The following NKAIN3 variants were observed in gnomAD, a reference collection of about 807,000 sequenced individuals.
NKAIN3 encodes the protein sodium/potassium transporting ATPase interacting 3.
Under a neutral mutation model 30.2 loss-of-function variants are expected in NKAIN3, and 25 were observed. The observed-to-expected ratio is 0.83, with a 90% CI of 0.60 to 1.16. The LOEUF is 1.16. NKAIN3 is among the 50% of genes most tolerant of loss of function. NKAIN3 has a pLI of 0.00. For synonymous variants in NKAIN3, 91 were observed against 89.6 expected (o/e 1.02, Z -0.09); for missense variants, 225 against 254.1 (o/e 0.89, Z 0.78).
chr8:62,941,111 A>T (rs1193171239), intron 5 of NKAIN3, among the ~76,000 whole-genome samples: 1 of 152,124 alleles, frequency 6.6e-6, no homozygotes, highest in Admixed American at 6.6e-5. Flanking sequence ...ATTCAAGGTT[A>T]CTATGAACAC....
rs913041582 is a variant in NKAIN3 at position 62,975,660 on chromosome 8, A to T, written c.*10253A>T. The stretch of plus-strand genomic sequence containing the variant: ...TTGAAGGGTTTTTCGTATCTCTTTC[A>T]GTTCTGTTCTGATCTTAGTTATTTC... On this transcript the variant is annotated 3_prime_UTR_variant, in exon 7 of 7. Coordinates refer to ENST00000623646, the MANE Select transcript of NKAIN3 (RefSeq NM_001304533.3). Among the ~76,000 whole-genome samples the T allele has an allele frequency of 6.6e-6, 1 of 151,828 alleles. No homozygotes were observed. The highest frequency in any genetic ancestry group is 2.1e-4 in the South Asian group (1 of 4,814).
intron 5 of NKAIN3, among the ~76,000 whole-genome samples, chr8:62,926,694 C>G (rs910905213): frequency 6.6e-6 from 1 of 152,096 alleles, no homozygotes; most frequent in African/African-American, 2.4e-5. Context: ...TGCCCTGCAC[C>G]CTTAGCATTA....
At chr8:62,317,651 C>A (rs552219987) in intron 1 of NKAIN3, among the ~76,000 whole-genome samples, 1 of 152,250 alleles carries the variant, frequency 6.6e-6, no homozygotes, top group Non-Finnish European at 1.5e-5. Context: ...GTTTTGGTAC[C>A]AGCACCATGC....
At chr8:62,351,169 C>A (rs1816167765) in intron 1 of NKAIN3, among the ~76,000 whole-genome samples, 1 of 148,222 alleles carries the variant, frequency 6.7e-6, no homozygotes, top group South Asian at 2.1e-4. Context: ...ATATAGTCAT[C>A]CCTCTGTTCC....
At position 62,366,376 on chromosome 8, in the gene NKAIN3, A is replaced by G. The variant is rs528047621; in HGVS notation, c.54+117249A>G. Among the ~76,000 whole-genome samples the G allele has an allele frequency of 3.3e-5, 5 of 151,918 alleles. No individual in the cohort carries two copies. The South Asian group carries it at 1.0e-3, about 32-fold the overall frequency. Reference sequence around the variant, plus strand: ...CGAGTAGCTGGGATTACAGGCATGCACCACTGTAGTTGATTAATTTTTGTA... The same window carrying G: ...CGAGTAGCTGGGATTACAGGCATGCGCCACTGTAGTTGATTAATTTTTGTA... On this transcript the variant is annotated intron_variant, in intron 1 of 6. Coordinates refer to ENST00000623646, the MANE Select transcript of NKAIN3 (RefSeq NM_001304533.3).
At chr8:62,614,578 T>C (rs1458820155) in intron 3 of NKAIN3, among the ~76,000 whole-genome samples, 1 of 152,136 alleles carries the variant, frequency 6.6e-6, no homozygotes, top group Non-Finnish European at 1.5e-5. Context: ...GCCTGTGAGC[T>C]TCCCTTCAAG....
intron 4 of NKAIN3, among the ~76,000 whole-genome samples, chr8:62,830,507 A>G (rs1819163429): frequency 6.6e-6 from 1 of 152,188 alleles, no homozygotes; most frequent in African/African-American, 2.4e-5. Context: ...GGCCCAATTA[A>G]CATAATTTGC....
chr8:62,888,182 C>G (rs1022599263), intron 4 of NKAIN3, among the ~76,000 whole-genome samples: 6 of 152,146 alleles, frequency 3.9e-5, no homozygotes, highest in Admixed American at 3.3e-4. Context: ...TCTCTTTCCC[C>G]AGGTCATTAG....
At chr8:62,656,720 C>T (rs1226461155) in intron 3 of NKAIN3, among the ~76,000 whole-genome samples, 8 of 152,126 alleles carry the variant, frequency 5.3e-5, no homozygotes, top group Non-Finnish European at 4.4e-5. Flanking sequence ...CAACCACTCC[C>T]CTGGTCCCCA....
intron 4 of NKAIN3, among the ~76,000 whole-genome samples, chr8:62,866,888 T>TAAAAAAA (rs1820434369): frequency 3.7e-5 from 1 of 27,204 alleles, no homozygotes; most frequent in African/African-American, 1.9e-4. Context: ...CTACTAAAAA[T>TAAAAAAA]ACAAAAAAAA....
chr8:62,713,957 T>C (rs1814809572), intron 3 of NKAIN3, among the ~76,000 whole-genome samples: 1 of 152,156 alleles, frequency 6.6e-6, no homozygotes, highest in African/African-American at 2.4e-5. Context: ...ATAGATCAGA[T>C]TCAATTTATC....
chr8:62,451,524 C>A (rs1703183081), intron 1 of NKAIN3, among the ~76,000 whole-genome samples: 2 of 152,116 alleles, frequency 1.3e-5, no homozygotes, highest in Admixed American at 1.3e-4. Flanking sequence ...ACCACGTGAG[C>A]AATCTCTTTC....
At position 62,972,540 on chromosome 8, in the gene NKAIN3, C is replaced by T. The variant is rs1184456524; in HGVS notation, c.*7133C>T. Among the ~76,000 whole-genome samples the T allele has an allele frequency of 6.6e-6, 1 of 152,052 alleles. No individual in the cohort carries two copies. Among genetic ancestry groups the T allele is most frequent in the Admixed American group, 6.6e-5 (1 of 15,238 alleles). On this transcript the variant is annotated 3_prime_UTR_variant, in exon 7 of 7. Transcript: ENST00000623646. ...TTTTTGTCTCTCTCTGAATCAAGTT[C>T]GTCGTCTATTTACGTGCTTCTCAGT...
At position 62,660,784 on chromosome 8, in the gene NKAIN3, T is replaced by A. The variant is rs191657201; in HGVS notation, c.273+70990T>A. 2.0e-5 allele frequency among the ~76,000 whole-genome samples: 3 copies of A among 152,328 alleles called. No individual in the cohort carries two copies. In the East Asian group the frequency reaches 5.8e-4, roughly 29 times the overall value. Reference sequence around the variant, plus strand: ...CTAAAACACACTGAGAAACCATCTCTTCAAGCCATCCTCTAAGTCCACATA... The same window carrying A: ...CTAAAACACACTGAGAAACCATCTCATCAAGCCATCCTCTAAGTCCACATA... On this transcript the variant is annotated intron_variant, in intron 3 of 6. Coordinates refer to ENST00000623646, the MANE Select transcript of NKAIN3 (RefSeq NM_001304533.3).
intron 4 of NKAIN3, among the ~76,000 whole-genome samples, chr8:62,914,119 T>A (rs989179403): frequency 1.4e-4 from 21 of 152,276 alleles, no homozygotes; most frequent in East Asian, 7.7e-4. Flanking sequence ...ATAGACTGGA[T>A]AAAGAAATTG....
intron 1 of NKAIN3, among the ~76,000 whole-genome samples, chr8:62,515,252 G>A (rs1000212872): frequency 1.3e-5 from 2 of 151,974 alleles, no homozygotes; most frequent in Non-Finnish European, 2.9e-5. Context: ...TACATGTATT[G>A]TTTTAAAATT....
chr8:62,733,497 T>C (rs1040821553), intron 3 of NKAIN3, among the ~76,000 whole-genome samples: 5 of 152,224 alleles, frequency 3.3e-5, no homozygotes, highest in Non-Finnish European at 7.3e-5. Flanking sequence ...CCATTGTTGC[T>C]GTTGACAACC....
At chr8:62,433,271 C>T (rs1805071351) in intron 1 of NKAIN3, among the ~76,000 whole-genome samples, 1 of 152,024 alleles carries the variant, frequency 6.6e-6, no homozygotes, top group African/African-American at 2.4e-5. Context: ...AAGTTTATTA[C>T]CTCAAGTTAT....
chr8:62,863,932 G>A (rs943724246), intron 4 of NKAIN3: 3 of 1,100,646 alleles, frequency 2.7e-6, no homozygotes, highest in Non-Finnish European at 2.8e-6. Context: ...TGGTGGTGTG[G>A]GGTCTGCCAA....
Sources: allele counts gnomAD v4.1 joint callset (sites outside exome capture counted in the v4.1 genomes callset), GRCh38; gene constraint gnomAD v4.1.1; transcripts MANE v1.5; gene names NCBI Gene and HGNC (gene_info 2026-07-23, HGNC 2026-07-21).